Variants in ASTN2 observed in about 807,000 individuals in gnomAD.
The protein encoded by ASTN2 is astrotactin-2.
ASTN2 carries 54 observed loss-of-function variants against 139.8 expected under a neutral mutation model. That is an observed-to-expected ratio of 0.39 (90% CI 0.31 to 0.48). The LOEUF (loss-of-function observed/expected upper bound fraction) is 0.48. ASTN2 is among the 20% of genes least tolerant of loss of function. The pLI, the probability that ASTN2 is intolerant of heterozygous loss-of-function variation, is 0.95. For synonymous variants in ASTN2, 756 were observed against 719.5 expected (o/e 1.05, Z -0.81); for missense variants, 1,565 against 1,725.1 (o/e 0.91, Z 1.64).
At chr9:117,111,296 T>C (rs1829242260) in intron 4 of ASTN2, among the ~76,000 whole-genome samples, 1 of 152,190 alleles carries the variant, frequency 6.6e-6, no homozygotes, top group Non-Finnish European at 1.5e-5. Flanking sequence ...ACAAGAACTT[T>C]AACAGCAATA....
At chr9:117,031,241 A>G (rs1838238516) in intron 6 of ASTN2, among the ~76,000 whole-genome samples, 2 of 152,108 alleles carry the variant, frequency 1.3e-5, no homozygotes, top group South Asian at 4.1e-4. Context: ...CTGCACTGTC[A>G]TTCTTTTTGA....
intron 16 of ASTN2, among the ~76,000 whole-genome samples, chr9:116,703,726 T>C (rs1326198248): frequency 2.1e-5 from 1 of 48,100 alleles, no homozygotes; most frequent in East Asian, 4.2e-4. Flanking sequence ...TAAAGTATAA[T>C]AATAAAAAAA....
At chr9:116,815,667 C>T (rs189872412) in intron 12 of ASTN2, among the ~76,000 whole-genome samples, 122 of 151,270 alleles carry the variant, frequency 8.1e-4, no homozygotes, top group Non-Finnish European at 1.3e-3. Flanking sequence ...TAGTCGGGCG[C>T]GGTGGTGGGC....
intron 10 of ASTN2, among the ~76,000 whole-genome samples, chr9:116,940,010 A>C (rs535027297): frequency 6.6e-6 from 1 of 152,356 alleles, no homozygotes; most frequent in Admixed American, 6.5e-5. Flanking sequence ...TGTTGTATAA[A>C]AGTATAGCAC....
intron 2 of ASTN2, among the ~76,000 whole-genome samples, chr9:117,269,375 G>A (rs753629485): frequency 1.3e-5 from 2 of 152,102 alleles, no homozygotes; most frequent in African/African-American, 4.8e-5. Flanking sequence ...TTCCCCAAAC[G>A]CAAGAGTGCA....
At chr9:116,625,706 T>A (rs1335234102) in intron 17 of ASTN2, among the ~76,000 whole-genome samples, 1 of 152,174 alleles carries the variant, frequency 6.6e-6, no homozygotes, top group Non-Finnish European at 1.5e-5. Context: ...CTCTCTGTGA[T>A]CTAGCACATG....
chr9:117,107,100 T>C (rs1829127225), intron 4 of ASTN2, among the ~76,000 whole-genome samples: 1 of 152,218 alleles, frequency 6.6e-6, no homozygotes, highest in Admixed American at 6.5e-5. Flanking sequence ...TAAAATGTCA[T>C]AAATATTATC....
chr9:116,609,973 A>G (rs934396128), intron 19 of ASTN2, among the ~76,000 whole-genome samples: 12 of 152,264 alleles, frequency 7.9e-5, no homozygotes, highest in South Asian at 2.1e-4. Flanking sequence ...TATTGCTAAT[A>G]AAGTCAACAA....
intron 19 of ASTN2, among the ~76,000 whole-genome samples, chr9:116,616,804 C>CAA (rs535469708): frequency 6.7e-6 from 1 of 148,360 alleles, no homozygotes; most frequent in South Asian, 2.1e-4. Context: ...CACACACACA[C>CAA]AAAATACACA....
At chr9:116,679,589 ACAC>A (rs1859714102) in intron 16 of ASTN2, among the ~76,000 whole-genome samples, 1 of 152,172 alleles carries the variant, frequency 6.6e-6, no homozygotes. Context: ...TGCCCTCACC[ACAC>A]CACACCTATT....
chr9:116,502,710 G>T (rs1347906095), intron 19 of ASTN2, among the ~76,000 whole-genome samples: 2 of 45,588 alleles, frequency 4.4e-5, no homozygotes, highest in East Asian at 4.2e-4. Context: ...AAGGAAGGAA[G>T]GAAGGAAGGA....
intron 3 of ASTN2, among the ~76,000 whole-genome samples, chr9:117,195,699 A>G (rs991025186): frequency 6.6e-6 from 1 of 152,122 alleles, no homozygotes; most frequent in Admixed American, 6.6e-5. Context: ...AGCTCTGAAA[A>G]TTCATGAAAT....
intron 2 of ASTN2, among the ~76,000 whole-genome samples, chr9:117,235,269 A>T (rs1361743155): frequency 6.6e-6 from 1 of 151,984 alleles, no homozygotes; most frequent in Non-Finnish European, 1.5e-5. Flanking sequence ...GGGAGGATAA[A>T]ATTTTATTTT....
intron 1 of ASTN2, among the ~76,000 whole-genome samples, chr9:117,330,832 G>GA (rs1828685048): frequency 6.6e-6 from 1 of 152,188 alleles, no homozygotes; most frequent in Admixed American, 6.5e-5. Context: ...TTAACTTGCA[G>GA]AAAATTCCTG....
At chr9:116,962,936 CAT>C (rs958198991) in intron 10 of ASTN2, among the ~76,000 whole-genome samples, 7 of 152,124 alleles carry the variant, frequency 4.6e-5, no homozygotes, top group Non-Finnish European at 7.3e-5. Flanking sequence ...AGCAGAGCCA[CAT>C]AAAATTAATG....
intron 10 of ASTN2, among the ~76,000 whole-genome samples, chr9:116,865,671 C>T (rs757402314): frequency 3.3e-5 from 5 of 151,928 alleles, no homozygotes; most frequent in Non-Finnish European, 5.9e-5. Flanking sequence ...AAACCAGTTC[C>T]CTGAGGCTGA....
intron 11 of ASTN2, among the ~76,000 whole-genome samples, chr9:116,839,594 G>A (rs4442216): frequency 0.24 from 35,890 of 151,578 alleles, 4,884 homozygotes; most frequent in East Asian, 0.5. Context: ...ATTCTTATGC[G>A]TTGGCCTCCC....
At chr9:116,433,539 A>G (rs922206431) in intron 22 of ASTN2, among the ~76,000 whole-genome samples, 21 of 152,198 alleles carry the variant, frequency 1.4e-4, no homozygotes, top group African/African-American at 4.6e-4. Flanking sequence ...ATTATTTTAT[A>G]TATTTCTGTA....
intron 3 of ASTN2, among the ~76,000 whole-genome samples, chr9:117,184,491 G>A (rs1212761494): frequency 6.6e-6 from 1 of 152,182 alleles, no homozygotes; most frequent in East Asian, 1.9e-4. Context: ...GACACTCTCA[G>A]GGACAGTCCT....
Sources: gnomAD v4.1 joint callset for allele counts (sites outside exome capture counted in the v4.1 genomes callset) on GRCh38, gnomAD v4.1.1 for gene constraint, MANE v1.5 for transcripts, NCBI Gene and HGNC (gene_info 2026-07-23, HGNC 2026-07-21) for gene names.